EARS2: variants seen among roughly 807,000 people sequenced by gnomAD.
EARS2 encodes glutamyl-tRNA synthetase 2, mitochondrial.
EARS2 carries 50 observed loss-of-function variants against 54.1 expected under a neutral mutation model. The ratio of observed to expected loss-of-function variants is 0.92; its 90% confidence interval spans 0.74 to 1.17. The LOEUF (loss-of-function observed/expected upper bound fraction) is 1.17, where lower values mean the gene tolerates loss of function less well. EARS2 is among the 50% of genes most tolerant of loss of function. The pLI is 0.00. For missense variants in EARS2, 673 were observed against 675.0 expected, an observed-to-expected ratio of 1.00 and a Z score of 0.03; for synonymous variants, 298 against 281.0, an observed-to-expected ratio of 1.06 and a Z score of -0.61.
At chr16:23,534,746 T>C (rs1324315433) in intron 4 of EARS2, 142 bp downstream of exon 4, 3 of 690,618 alleles carry the variant, frequency 4.3e-6, no homozygotes, top group African/African-American at 3.6e-5. Context: ...TAAACATTTA[T>C]TGAATAAAAG....
chr16:23,532,828 CT>C (rs1378159746), intron 4 of EARS2, 63 bp from the exon 5 acceptor site: 131 of 1,223,080 alleles, frequency 1.1e-4, no homozygotes, highest in Non-Finnish European at 1.3e-4. Flanking sequence ...CACTTTATCT[CT>C]TTTTTTTAAG....
At chr16:23,533,506 C>A (rs1965360710) in intron 4 of EARS2, among the ~76,000 whole-genome samples, 1 of 152,092 alleles carries the variant, frequency 6.6e-6, no homozygotes, top group Admixed American at 6.5e-5. Flanking sequence ...TTCCACTTTG[C>A]CCAAAGGGAT....
chr16:23,526,044 C>A (rs147424347), intron 7 of EARS2, among the ~76,000 whole-genome samples: 1 of 149,744 alleles, frequency 6.7e-6, no homozygotes, highest in African/African-American at 2.5e-5. Context: ...ACAAGGCTAT[C>A]GTAGAGAGTT....
rs1965146581 is a variant in EARS2, at chr16:23,521,870, C to G, written c.*2501G>C. 2.2e-6 allele frequency: 1 copy of G among 455,988 alleles called. No individual in the cohort carries two copies. The highest frequency in any genetic ancestry group is 4.4e-6 in the Non-Finnish European group (1 of 226,778). 28.2% of individuals were successfully genotyped at this position (455,988 alleles called of 1,614,324 possible). Reference sequence around the variant, plus strand: ...GATGCTCTGACAACACTCAGTAGATCAGAGTTAAGCTTGGACTCTGGATCG... The same window carrying G: ...GATGCTCTGACAACACTCAGTAGATGAGAGTTAAGCTTGGACTCTGGATCG... On this transcript the variant is annotated 3_prime_UTR_variant, in exon 9 of 9. Transcript: ENST00000449606.
intron 7 of EARS2, 128 bp downstream of exon 7, chr16:23,529,374 G>T: frequency 8.1e-7 from 1 of 1,235,380 alleles, no homozygotes; most frequent in Non-Finnish European, 1.1e-6. Context: ...GCCAGTGAAG[G>T]GTCACTTCTT....
intron 1 of EARS2, among the ~76,000 whole-genome samples, chr16:23,554,909 C>T (rs9940027): frequency 0.082 from 12,528 of 152,190 alleles, 918 homozygotes; most frequent in African/African-American, 0.19. Context: ...TAAATGCTGA[C>T]CAAAGTAAAC....
At chr16:23,549,750 C>G (rs1378523764) in intron 2 of EARS2, among the ~76,000 whole-genome samples, 1 of 152,144 alleles carries the variant, frequency 6.6e-6, no homozygotes, top group Non-Finnish European at 1.5e-5. Context: ...ACCCCTGTGC[C>G]CGACCTGGCA....
At chr16:23,541,210 C>T (rs1413300269) in intron 3 of EARS2, among the ~76,000 whole-genome samples, 1 of 151,776 alleles carries the variant, frequency 6.6e-6, no homozygotes, top group Non-Finnish European at 1.5e-5. Flanking sequence ...ACCTGTAATC[C>T]CAGCTACTCG....
At chr16:23,542,110 G>T (rs1316727729) in intron 3 of EARS2, among the ~76,000 whole-genome samples, 1 of 148,830 alleles carries the variant, frequency 6.7e-6, no homozygotes, top group African/African-American at 2.5e-5. Context: ...TGCCCACCTC[G>T]GCTTCCCAAC....
chr16:23,548,537 T>C (rs1965643365), intron 2 of EARS2, among the ~76,000 whole-genome samples: 2 of 152,246 alleles, frequency 1.3e-5, no homozygotes, highest in South Asian at 2.1e-4. Flanking sequence ...TCTGTGAAAC[T>C]GAAGCCTTCA....
intron 3 of EARS2, among the ~76,000 whole-genome samples, chr16:23,544,135 A>G (rs1965561654): frequency 6.6e-6 from 1 of 152,014 alleles, no homozygotes; most frequent in Admixed American, 6.6e-5. Flanking sequence ...GTACGTGCTC[A>G]CTCTCTCCTT....
At chr16:23,552,971 C>T (rs1965720686) in intron 1 of EARS2, 1 of 317,378 alleles carries the variant, frequency 3.2e-6, no homozygotes, top group Non-Finnish European at 6.4e-6. Flanking sequence ...CTTGTCTTAG[C>T]AAAAAATATA....
intron 1 of EARS2, among the ~76,000 whole-genome samples, chr16:23,555,916 G>A (rs183190569): frequency 6.6e-6 from 1 of 152,338 alleles, no homozygotes; most frequent in East Asian, 1.9e-4. Flanking sequence ...CAATCTGGCA[G>A]AATGATTTTA....
chr16:23,524,342 C>T lies in EARS2; in HGVS notation c.*29G>A, dbSNP rs759447363. 6.3e-6 allele frequency: 10 copies of T among 1,591,848 alleles called. No homozygotes were observed. The highest frequency in any genetic ancestry group is 1.1e-5 in the South Asian group (1 of 90,694). On this transcript the variant is annotated 3_prime_UTR_variant, in exon 9 of 9. Coordinates refer to ENST00000449606, the MANE Select transcript of EARS2 (RefSeq NM_001083614.2). ...TTTCTAAGCTCACAGGTTCTTAGGG[C>T]GATCTCCACTGCCCGAAACATCCTC...
At chr16:23,554,594 G>A (rs946187733) in intron 1 of EARS2, among the ~76,000 whole-genome samples, 7 of 152,170 alleles carry the variant, frequency 4.6e-5, no homozygotes, top group Non-Finnish European at 2.9e-5. Flanking sequence ...GGGCCAGGCC[G>A]ACCCTGCTTC....
In EARS2 at chr16:23,521,622, A is replaced by C. The variant is rs1597002848; in HGVS notation, c.*2749T>G. ...CTATGTTGCCCAGGCTGGTCTCCAA[A>C]CTCCTGGCCTTTGACAAGCCTACCA... is the stretch of plus-strand genomic sequence containing the variant. On this transcript the variant is annotated 3_prime_UTR_variant, in exon 9 of 9. Transcript: ENST00000449606. Among the ~76,000 whole-genome samples, 1 of 151,956 alleles carries C rather than the reference A, an allele frequency of 6.6e-6. No individual in the cohort carries two copies. The highest frequency in any genetic ancestry group is 1.9e-4 in the East Asian group (1 of 5,162).
intron 3 of EARS2, among the ~76,000 whole-genome samples, chr16:23,540,567 C>T (rs1370202678): frequency 6.6e-6 from 1 of 152,262 alleles, no homozygotes; most frequent in Non-Finnish European, 1.5e-5. Context: ...AGCAAACATA[C>T]TGCACAAGTG....
intron 7 of EARS2, among the ~76,000 whole-genome samples, chr16:23,526,723 C>T (rs969999332): frequency 1.3e-5 from 2 of 152,160 alleles, no homozygotes; most frequent in Non-Finnish European, 2.9e-5. Flanking sequence ...GCCATTCTTC[C>T]ACAAATTGAA....
intron 3 of EARS2, among the ~76,000 whole-genome samples, chr16:23,543,216 C>A (rs1341969806): frequency 1.4e-5 from 2 of 147,998 alleles, no homozygotes; most frequent in African/African-American, 2.5e-5. Flanking sequence ...GCCAGGAGTT[C>A]AAGACCAGCC....
Sources: gnomAD v4.1 joint callset for allele counts (sites outside exome capture counted in the v4.1 genomes callset) on GRCh38, gnomAD v4.1.1 for gene constraint, MANE v1.5 for transcripts, NCBI Gene and HGNC (gene_info 2026-07-23, HGNC 2026-07-21) for gene names.